The following EVI5 variants were observed in gnomAD, a reference collection of about 807,000 sequenced individuals.
The protein encoded by EVI5 is ecotropic viral integration site 5.
Under a neutral mutation model 112.0 loss-of-function variants are expected in EVI5, and 73 were observed. The ratio of observed to expected loss-of-function variants is 0.65; its 90% confidence interval spans 0.54 to 0.79. The LOEUF (loss-of-function observed/expected upper bound fraction) is 0.79. Ranked by LOEUF, EVI5 falls within the 30% of genes least tolerant of loss-of-function variation. EVI5 has a pLI of 0.00. For synonymous variants in EVI5, 305 were observed against 319.9 expected (o/e 0.95, Z 0.50); for missense variants, 900 against 968.8 (o/e 0.93, Z 0.94).
At chr1:92,611,381 T>C (rs1247949449) in intron 16 of EVI5, among the ~76,000 whole-genome samples, 3 of 151,872 alleles carry the variant, frequency 2.0e-5, no homozygotes, top group Non-Finnish European at 4.4e-5. Context: ...TAAACTATCA[T>C]ACAAGAAAGA....
chr1:92,678,863 A>G (rs879477854), intron 9 of EVI5, among the ~76,000 whole-genome samples: 4 of 152,228 alleles, frequency 2.6e-5, no homozygotes, highest in Non-Finnish European at 5.9e-5. Flanking sequence ...ACTTTTTAAT[A>G]TAAGTTGTTA....
intron 9 of EVI5, among the ~76,000 whole-genome samples, chr1:92,686,391 G>A (rs568463912): frequency 3.9e-5 from 6 of 152,120 alleles, no homozygotes; most frequent in Admixed American, 1.3e-4. Context: ...TTGATGGAAC[G>A]TATCTCAAAA....
intron 13 of EVI5, among the ~76,000 whole-genome samples, chr1:92,654,914 T>C (rs1662750724): frequency 6.6e-6 from 1 of 151,960 alleles, no homozygotes; most frequent in Non-Finnish European, 1.5e-5. Context: ...ATTAGTCCAG[T>C]CAGACGAAAA....
intron 1 of EVI5, among the ~76,000 whole-genome samples, chr1:92,748,778 A>C (rs1679723262): frequency 6.6e-6 from 1 of 152,162 alleles, no homozygotes; most frequent in Admixed American, 6.5e-5. Context: ...AAATATAAAT[A>C]CATATTGGCC....
chr1:92,543,398 T>C (rs1464094182), intron 19 of EVI5, among the ~76,000 whole-genome samples: 1 of 152,244 alleles, frequency 6.6e-6, no homozygotes, highest in Non-Finnish European at 1.5e-5. Context: ...AAGAGAGTTA[T>C]GGCCTTGCAC....
intron 18 of EVI5, among the ~76,000 whole-genome samples, chr1:92,590,204 G>A (rs1273233141): frequency 2.0e-5 from 3 of 152,216 alleles, no homozygotes; most frequent in Non-Finnish European, 4.4e-5. Flanking sequence ...AAAAAGCAGA[G>A]CGCCTCTCCT....
intron 1 of EVI5, among the ~76,000 whole-genome samples, chr1:92,765,933 A>T (rs904674061): frequency 1.3e-5 from 2 of 151,808 alleles, no homozygotes; most frequent in Non-Finnish European, 1.5e-5. Context: ...TTTAAAAACT[A>T]GCCAGGCATG....
chr1:92,607,662 C>A lies in EVI5; in HGVS notation c.1893G>T (p.Val631=). 1.2e-6 allele frequency: 2 copies of A among 1,605,370 alleles called. No individual in the cohort carries two copies. The highest frequency in any genetic ancestry group is 2.2e-5 in the East Asian group (1 of 44,674). Residue 631 remains valine (V), a synonymous_variant, in exon 17 of 20, where the codon GTG becomes GTT. Transcript: ENST00000684568. ...EQEVISLQEK[V]QYLSAQNKGL... ...CTTTGTTCTGTGCAGAAAGATACTG[C>A]ACTTTCTCCTGTAGGCTAATCACCT...
chr1:92,662,524 A>C (rs1429687224), intron 13 of EVI5, among the ~76,000 whole-genome samples, 195 bp downstream of exon 13: 1 of 152,230 alleles, frequency 6.6e-6, no homozygotes, highest in Non-Finnish European at 1.5e-5. Flanking sequence ...TAGACAGAAA[A>C]AAAATTAGAA....
intron 1 of EVI5, among the ~76,000 whole-genome samples, chr1:92,762,654 C>A (rs1048450452): frequency 6.6e-6 from 1 of 152,164 alleles, no homozygotes; most frequent in African/African-American, 2.4e-5. Flanking sequence ...TTAAGAAATT[C>A]TATTAACTAA....
intron 1 of EVI5, among the ~76,000 whole-genome samples, chr1:92,759,050 G>A (rs1323053299): frequency 1.3e-5 from 2 of 152,124 alleles, no homozygotes; most frequent in Admixed American, 6.5e-5. Context: ...GCAACATGGT[G>A]AAACCCCATC....
rs34807551 is a variant in EVI5 at position 92,643,291 on chromosome 1, CTTTTTTT to C, written c.1393-6962_1393-6956del. ...AATTCAATAATAAATTAACTCAAAT[CTTTTTTT>C]TTTTTTTTTTTTTTTTAAAGAGATA... On this transcript the variant is annotated intron_variant, in intron 13 of 19. Coordinates refer to ENST00000684568, the MANE Select transcript of EVI5 (RefSeq NM_001350197.2). 4.1e-5 allele frequency among the ~76,000 whole-genome samples: 5 copies of C among 123,064 alleles called. 1 individual carries two copies. The highest frequency in any genetic ancestry group is 5.4e-4 in the South Asian group (2 of 3,708). 80.7% of individuals were successfully genotyped at this position (123,064 alleles called of 152,430 possible).
At chr1:92,759,713 T>C (rs750869520) in intron 1 of EVI5, among the ~76,000 whole-genome samples, 122 of 152,306 alleles carry the variant, frequency 8.0e-4, no homozygotes, top group Non-Finnish European at 1.3e-3. Context: ...CATACTTATA[T>C]CATTATATGT....
chr1:92,568,373 TAA>T (rs1054450649), intron 18 of EVI5, among the ~76,000 whole-genome samples: 5 of 14,526 alleles, frequency 3.4e-4, no homozygotes, highest in Middle Eastern at 0.071. Flanking sequence ...AAACCTATCT[TAA>T]AAAAAAAAAA....
chr1:92,666,106 AATG>A, intron 10 of EVI5, 114 bp from the exon 11 acceptor site: 1 of 638,482 alleles, frequency 1.6e-6, no homozygotes, highest in South Asian at 2.0e-5. Flanking sequence ...GAGTCTAAGG[AATG>A]ATTACATTAT....
intron 18 of EVI5, among the ~76,000 whole-genome samples, chr1:92,604,122 G>C (rs1254565792): frequency 6.6e-6 from 1 of 151,974 alleles, no homozygotes; most frequent in African/African-American, 2.4e-5. Context: ...GGCAGAGGTG[G>C]GCGGATCACT....
intron 5 of EVI5, among the ~76,000 whole-genome samples, chr1:92,698,825 T>G (rs1670696055): frequency 6.6e-6 from 1 of 152,098 alleles, no homozygotes; most frequent in South Asian, 2.1e-4. Flanking sequence ...GAAATTGGGG[T>G]TTAAAGGTAC....
At chr1:92,770,847 G>T (rs942915530) in intron 1 of EVI5, among the ~76,000 whole-genome samples, 1 of 151,138 alleles carries the variant, frequency 6.6e-6, no homozygotes, top group Non-Finnish European at 1.5e-5. Context: ...TTGTTTTTTC[G>T]ATCTGCCACC....
intron 13 of EVI5, among the ~76,000 whole-genome samples, chr1:92,661,905 G>A (rs920776105): frequency 8.5e-5 from 13 of 152,192 alleles, no homozygotes; most frequent in East Asian, 5.8e-4. Flanking sequence ...ACAATCTAGC[G>A]CCTACTTGAG....
Sources: allele counts gnomAD v4.1 joint callset (sites outside exome capture counted in the v4.1 genomes callset), GRCh38; gene constraint gnomAD v4.1.1; transcripts MANE v1.5; gene names NCBI Gene and HGNC (gene_info 2026-07-23, HGNC 2026-07-21).